CHMP5: variants seen among roughly 807,000 people sequenced by gnomAD.
CHMP5 encodes the protein SNF7 domain containing 2.
A neutral mutation model predicts 33.0 loss-of-function variants in CHMP5; 17 were observed. That is an observed-to-expected ratio of 0.52 (90% CI 0.35 to 0.77). The LOEUF (loss-of-function observed/expected upper bound fraction) is 0.77. Among genes scored for constraint, CHMP5 ranks in the 30% least tolerant of loss-of-function variants. The probability of loss-of-function intolerance (pLI) is 0.01; values close to 1 mark genes in which losing one functional copy is unlikely to be tolerated. For missense variants in CHMP5, 216 were observed against 261.5 expected (o/e 0.83, Z 1.20); for synonymous variants, 76 against 90.2 (o/e 0.84, Z 0.89).
Position 33,270,583 on chromosome 9 carries a change from C to T in CHMP5, c.222-40C>T, listed in dbSNP as rs375854173. 90 of 1,428,034 alleles carry T rather than the reference C, an allele frequency of 6.3e-5. 1 individual carries two copies. In the East Asian group the frequency reaches 1.4e-3, roughly 23 times the overall value. 88.5% of individuals were successfully genotyped at this position (1,428,034 alleles called of 1,614,324 possible). ...ATACTTTGTTCTTGAGGATTTCTAT[C>T]TGGTTCATATATTTGCCATTCTCAA... On this transcript the variant is annotated intron_variant, in intron 3 of 7. Transcript: ENST00000223500.
In CHMP5 at chr9:33,270,622, G is replaced by T. The variant is rs1196199682; in HGVS notation, c.222-1G>T. On this transcript the variant is annotated splice_acceptor_variant, in intron 3 of 7. Transcript: ENST00000223500. LOFTEE classifies it high-confidence loss of function. ...TGCCATTCTCAATTGACTCTAAAAAGGTATGAGCAGCAGCGGGACAATCTT... is the reference window on the plus strand; with the variant it reads ...TGCCATTCTCAATTGACTCTAAAAATGTATGAGCAGCAGCGGGACAATCTT... 1 of 1,612,852 alleles carries T rather than the reference G, an allele frequency of 6.2e-7. No individual in the cohort carries two copies. The highest frequency in any genetic ancestry group is 2.2e-5 in the East Asian group (1 of 44,842).
At chr9:33,278,264 C>T in intron 7 of CHMP5, 39 bp downstream of exon 7, 4 of 1,222,588 alleles carry the variant, frequency 3.3e-6, no homozygotes, top group Non-Finnish European at 4.8e-6. Context: ...TGCAAAATAG[C>T]AAAGGCTTTA....
rs1028940604 is a variant in CHMP5, at chr9:33,266,648, G to A, written c.174+534G>A. Reference sequence around the variant, plus strand: ...TGGTGGAAAGAGATGCTGGTCACACGTCTAAAAGCATGTACATGAGAATTA... The same window carrying A: ...TGGTGGAAAGAGATGCTGGTCACACATCTAAAAGCATGTACATGAGAATTA... On this transcript the variant is annotated intron_variant, in intron 2 of 7. Coordinates refer to ENST00000223500, the MANE Select transcript of CHMP5 (RefSeq NM_016410.6). Among the ~76,000 whole-genome samples the A allele has an allele frequency of 3.3e-5, 5 of 152,308 alleles. No homozygotes were observed. The East Asian group carries it at 5.8e-4, about 18-fold the overall frequency.
intron 5 of CHMP5, among the ~76,000 whole-genome samples, chr9:33,272,179 G>A (rs1160739193): frequency 2.0e-5 from 3 of 152,088 alleles, no homozygotes; most frequent in Admixed American, 2.0e-4. Flanking sequence ...GAGGGAGTGA[G>A]TGGTGACTGG....
chr9:33,269,037 C>T (rs779659429), intron 3 of CHMP5, among the ~76,000 whole-genome samples: 8 of 152,150 alleles, frequency 5.3e-5, no homozygotes, highest in Admixed American at 2.0e-4. Context: ...GCACCATGAA[C>T]GGACCATTCT....
chr9:33,266,466 C>T (rs527846970), intron 2 of CHMP5, among the ~76,000 whole-genome samples: 2 of 151,762 alleles, frequency 1.3e-5, no homozygotes, highest in Non-Finnish European at 2.9e-5. Context: ...TGTGAGACTC[C>T]GTCTCAAAAA....
At chr9:33,265,509 GT>G (rs761171084) in intron 1 of CHMP5, among the ~76,000 whole-genome samples, 6 of 152,014 alleles carry the variant, frequency 3.9e-5, no homozygotes, top group Non-Finnish European at 8.8e-5. Context: ...GTCATCCCCA[GT>G]CCACATCAGG....
chr9:33,272,524 G>T (rs1241974888), intron 5 of CHMP5, among the ~76,000 whole-genome samples: 1 of 152,038 alleles, frequency 6.6e-6, no homozygotes, highest in African/African-American at 2.4e-5. Context: ...GTGAAGGCAG[G>T]CTGGGCATGG....
At chr9:33,270,750 G>T (rs831271) in intron 4 of CHMP5, 34 bp downstream of exon 4, 1,235,886 of 1,485,820 alleles carry the variant, frequency 0.83, 515,057 homozygotes, top group Non-Finnish European at 0.84. Flanking sequence ...GTTATTTCAT[G>T]TATTTATTCT....
chr9:33,281,026 G>T lies in CHMP5; in HGVS notation c.*167G>T. On this transcript the variant is annotated 3_prime_UTR_variant, in exon 8 of 8. Transcript: ENST00000223500. ...TTTCCATTAAGAGACTCATTGCTTG[G>T]GAAATGCTTTCTTCGTACTAAAATT... The T allele has an allele frequency of 2.2e-6, 1 of 453,460 alleles. No homozygotes were observed. The highest frequency in any genetic ancestry group is 3.9e-6 in the Non-Finnish European group (1 of 258,670). The allele number at this position is 453,460 out of a possible 1,614,324, so 28.1% of individuals were successfully genotyped here. A position where few individuals can be genotyped will look rare whatever the true frequency, so the allele number is the denominator to read the frequency against.
At chr9:33,271,729 T>C (rs1408490947) in intron 5 of CHMP5, among the ~76,000 whole-genome samples, 1 of 152,212 alleles carries the variant, frequency 6.6e-6, no homozygotes, top group Non-Finnish European at 1.5e-5. Context: ...ATTTTGAACT[T>C]AAGATGGGTT....
At position 33,276,529 on chromosome 9, in the gene CHMP5, G is replaced by A; in HGVS notation, c.461G>A (p.Gly154Asp). The change falls in exon 6 of 8, where the codon GGC (glycine) becomes GAC (aspartate). Residue 154 changes from glycine (G) to aspartate (D), a missense_variant. By Grantham distance (94) the Gly-to-Asp change is moderately conservative. Transcript: ENST00000223500. ...EIQEALSRSY[G>D]TPELDEDDLE... is the part of the protein sequence containing the mutation. ...CAAGAAGCACTGAGTCGCAGTTATG[G>A]CACCCCAGAACTGGATGAAGATGAT... 1.2e-6 allele frequency: 2 copies of A among 1,609,214 alleles called. No individual in the cohort carries two copies. Among genetic ancestry groups the A allele is most frequent in the South Asian group, 1.1e-5 (1 of 90,722 alleles).
At chr9:33,277,502 G>C (rs1406248068) in intron 6 of CHMP5, among the ~76,000 whole-genome samples, 2 of 152,130 alleles carry the variant, frequency 1.3e-5, no homozygotes, top group African/African-American at 2.4e-5. Flanking sequence ...AAATGAGAAG[G>C]GTTGTCGAAT....
intron 5 of CHMP5, among the ~76,000 whole-genome samples, chr9:33,271,430 G>A (rs1820793269): frequency 1.3e-5 from 2 of 152,160 alleles, no homozygotes; most frequent in South Asian, 2.1e-4. Flanking sequence ...GACAGTCCCC[G>A]ATTTAAGACG....
intron 6 of CHMP5, 119 bp downstream of exon 6, chr9:33,276,683 T>C (rs1820858847): frequency 1.6e-6 from 1 of 642,734 alleles, no homozygotes; most frequent in Non-Finnish European, 2.8e-6. Flanking sequence ...GGTTAGTTTA[T>C]GGTACTGTCC....
At chr9:33,275,046 C>G (rs1466391343) in intron 5 of CHMP5, among the ~76,000 whole-genome samples, 2 of 152,216 alleles carry the variant, frequency 1.3e-5, no homozygotes, top group Admixed American at 1.3e-4. Flanking sequence ...AACCATTATA[C>G]CAGCTGCCCT....
chr9:33,280,673 C>G, intron 7 of CHMP5, 136 bp from the exon 8 acceptor site: 2 of 692,122 alleles, frequency 2.9e-6, no homozygotes, highest in Non-Finnish European at 4.7e-6. Context: ...AAAGCTTGTT[C>G]TCATCTTATG....
intron 6 of CHMP5, among the ~76,000 whole-genome samples, chr9:33,276,916 CAAT>C (rs1564087920): frequency 6.6e-6 from 1 of 152,070 alleles, no homozygotes; most frequent in African/African-American, 2.4e-5. Flanking sequence ...AATTAAGAAA[CAAT>C]AATTAGGGCC....
intron 5 of CHMP5, among the ~76,000 whole-genome samples, chr9:33,275,801 G>C (rs905790956): frequency 6.6e-6 from 1 of 152,148 alleles, no homozygotes; most frequent in African/African-American, 2.4e-5. Flanking sequence ...CCTGAGGTCA[G>C]GAGTTTGAGA....
Sources: allele counts gnomAD v4.1 joint callset (sites outside exome capture counted in the v4.1 genomes callset), GRCh38; gene constraint gnomAD v4.1.1; transcripts MANE v1.5; gene names NCBI Gene and HGNC (gene_info 2026-07-23, HGNC 2026-07-21).